The following AMZ1 variants were observed in gnomAD, a reference collection of about 807,000 sequenced individuals.
AMZ1 encodes the protein archaelysin family metallopeptidase 1.
Under a neutral mutation model 29.9 loss-of-function variants are expected in AMZ1, and 39 were observed. The ratio of observed to expected loss-of-function variants is 1.30; its 90% CI spans 1.01 to 1.70. AMZ1 has a LOEUF of 1.70. AMZ1 is among the 40% of genes most tolerant of loss of function. The pLI is 0.00. For missense variants in AMZ1, 1,041 were observed against 680.6 expected (o/e 1.53, Z -5.89); for synonymous variants, 458 against 304.0 (o/e 1.51, Z -5.27).
At chr7:2,728,047 G>C (rs1037305601) in intron 4 of AMZ1, 1 of 151,454 alleles carries the variant, frequency 6.6e-6, no homozygotes, top group African/African-American at 2.4e-5. Flanking sequence ...AGAGTGATCT[G>C]CTGTGAATCC....
intron 4 of AMZ1, among the ~76,000 whole-genome samples, chr7:2,739,922 C>T (rs1055046035): frequency 6.6e-6 from 1 of 152,212 alleles, no homozygotes; most frequent in Admixed American, 6.5e-5. Context: ...ATCCGCCCGC[C>T]TTGGCCTCTG....
chr7:2,692,297 C>T (rs535954112), intron 1 of AMZ1, among the ~76,000 whole-genome samples: 6 of 152,060 alleles, frequency 3.9e-5, no homozygotes, highest in Admixed American at 1.3e-4. Flanking sequence ...TCCCAACACT[C>T]TGGGAGGCCG....
chr7:2,753,170 A>T (rs1310345563), intron 4 of AMZ1, among the ~76,000 whole-genome samples: 1 of 152,044 alleles, frequency 6.6e-6, no homozygotes, highest in Non-Finnish European at 1.5e-5. Flanking sequence ...TTTTTTAAAA[A>T]AAGAGACAGG....
At chr7:2,695,057 A>G (rs1276632169) in intron 1 of AMZ1, among the ~76,000 whole-genome samples, 1 of 152,140 alleles carries the variant, frequency 6.6e-6, no homozygotes. Flanking sequence ...GGAACCACTG[A>G]TCGTGCATCT....
Position 2,700,658 on chromosome 7 carries a change from C to G in AMZ1, c.207C>G (p.Ser69Arg), listed in dbSNP as rs766782779. ...LIRTGFDWLL[S>R]RPEAPEDFQT... ...GCACGGGCTTCGACTGGCTCCTGAG[C>G]CGACCCGAGGCTCCCGAGGACTTCC... Residue 69 changes from serine (S) to arginine (R), a missense_variant, in exon 2 of 7, where the codon AGC becomes AGG. By Grantham distance (110) the Ser-to-Arg change is moderately radical. Transcript: ENST00000683327. The G allele has an allele frequency of 1.2e-6, 2 of 1,612,098 alleles. No homozygotes were observed. The highest frequency in any genetic ancestry group is 4.5e-5 in the East Asian group (2 of 44,902).
upstream of AMZ1, among the ~76,000 whole-genome samples, chr7:2,759,831 G>T (rs1791473373): frequency 6.6e-6 from 1 of 152,184 alleles, no homozygotes; most frequent in Non-Finnish European, 1.5e-5. Context: ...TCTGCAACGG[G>T]TGCAGATGCC....
At chr7:2,739,625 T>A (rs1790398288) in intron 4 of AMZ1, among the ~76,000 whole-genome samples, 1 of 152,184 alleles carries the variant, frequency 6.6e-6, no homozygotes, top group South Asian at 2.1e-4. Context: ...TGAATATCTG[T>A]TTTCATTTCT....
intron 2 of AMZ1, 163 bp from the exon 3 acceptor site, chr7:2,702,559 A>G: frequency 1.3e-6 from 1 of 764,668 alleles, no homozygotes; most frequent in Non-Finnish European, 2.0e-6. Context: ...TGAAAAAGTC[A>G]TGCTTTCCAT....
intron 4 of AMZ1, chr7:2,728,111 A>G (rs933648768): frequency 1.3e-5 from 2 of 152,238 alleles, no homozygotes; most frequent in Non-Finnish European, 2.9e-5. Flanking sequence ...ACTATTTTAT[A>G]TTAAGCAAAG....
chr7:2,723,705 A>T (rs1789511006), downstream of AMZ1, among the ~76,000 whole-genome samples: 1 of 152,162 alleles, frequency 6.6e-6, no homozygotes, highest in African/African-American at 2.4e-5. Context: ...GAAGTTGCAG[A>T]CAGCAACGAT....
chr7:2,702,456 C>T, intron 2 of AMZ1: 1 of 490,140 alleles, frequency 2.0e-6, no homozygotes, highest in Non-Finnish European at 3.6e-6. Flanking sequence ...TGAGTCCCTG[C>T]CTGCTCTCTC....
intron 4 of AMZ1, among the ~76,000 whole-genome samples, chr7:2,737,274 G>GTTTTTTTTTTTTGTTTT (rs1790243875): frequency 2.9e-5 from 1 of 35,032 alleles, no homozygotes; most frequent in African/African-American, 9.9e-5. Context: ...GTTTTGTTTT[G>GTTTTTTTTTTTTGTTTT]TTTTTTTTTT....
chr7:2,748,605 G>A lies in AMZ1; in HGVS notation n.551-16107G>A, dbSNP rs1056362802. 4.2e-3 allele frequency among the ~76,000 whole-genome samples: 636 copies of A among 152,060 alleles called. 6 individuals are homozygous for A. The highest frequency in any genetic ancestry group is 6.2e-3 in the Non-Finnish European group (419 of 67,958). ...CATTCAGGACATAGGCATGGGCAAG[G>A]ACTTCATGTCTAAAACACCAAAAGC... is the stretch of plus-strand genomic sequence containing the variant. On this transcript the variant is annotated intron_variant and non_coding_transcript_variant, in intron 4 of 4. Transcript: ENST00000489665.
In AMZ1 at chr7:2,712,812, G is replaced by C. The variant is rs140063618; in HGVS notation, c.1431G>C (p.Lys477Asn). The C allele has an allele frequency of 6.8e-5, 104 of 1,539,964 alleles. No individual in the cohort carries two copies. The African/African-American group carries it at 1.3e-3, about 19-fold the overall frequency. The change falls in exon 7 of 7, where the codon AAG becomes AAC. Residue 477 changes from lysine (K) to asparagine (N), a missense_variant. Physicochemically the swap from Lys to Asn is moderately conservative, Grantham distance 94. Coordinates refer to ENST00000683327, the MANE Select transcript of AMZ1 (RefSeq NM_001384743.1). ...ACAAGTTCTCCTCCCTGAGGAGGAAGCTGAGTGCCCGAAAACTCGCCAGAG... is the reference window on the plus strand; with the variant it reads ...ACAAGTTCTCCTCCCTGAGGAGGAACCTGAGTGCCCGAAAACTCGCCAGAG... ...LGDKFSSLRR[K>N]LSARKLARAE...
At chr7:2,691,878 C>A (rs1206062818) in intron 1 of AMZ1, among the ~76,000 whole-genome samples, 1 of 152,108 alleles carries the variant, frequency 6.6e-6, no homozygotes, top group Non-Finnish European at 1.5e-5. Context: ...GGACACAGAC[C>A]ATCCTGGGCA....
intron 4 of AMZ1, among the ~76,000 whole-genome samples, chr7:2,754,618 C>T (rs959307737): frequency 5.3e-5 from 8 of 151,578 alleles, no homozygotes; most frequent in Admixed American, 6.6e-5. Context: ...TATAGTGTTG[C>T]GTTCCTGTAG....
intron 1 of AMZ1, among the ~76,000 whole-genome samples, chr7:2,694,307 T>A (rs778295476): frequency 1.3e-4 from 20 of 152,202 alleles, no homozygotes; most frequent in Non-Finnish European, 2.5e-4. Flanking sequence ...GCCCCGGGAC[T>A]GGATGTCCAC....
At chr7:2,707,325 A>G (rs570229232) in intron 3 of AMZ1, among the ~76,000 whole-genome samples, 6 of 151,460 alleles carry the variant, frequency 4.0e-5, no homozygotes, top group East Asian at 1.9e-4. Flanking sequence ...CCTCCTTGTC[A>G]ATCTGTTCCT....
At chr7:2,739,711 G>A (rs936817876) in intron 4 of AMZ1, among the ~76,000 whole-genome samples, 2 of 152,102 alleles carry the variant, frequency 1.3e-5, no homozygotes, top group Non-Finnish European at 2.9e-5. Context: ...GTCTCGCCCC[G>A]TTGCTCAGGC....
Sources: gnomAD v4.1 joint callset for allele counts (sites outside exome capture counted in the v4.1 genomes callset) on GRCh38, gnomAD v4.1.1 for gene constraint, MANE v1.5 for transcripts, NCBI Gene and HGNC (gene_info 2026-07-23, HGNC 2026-07-21) for gene names.